Variants in SIPA1L1 observed in about 807,000 individuals in gnomAD.
The protein encoded by SIPA1L1 is signal-induced proliferation-associated 1-like protein 1.
A neutral mutation model predicts 162.7 loss-of-function variants in SIPA1L1; 26 were observed. That is an observed-to-expected ratio of 0.16 (90% CI 0.12 to 0.22). The LOEUF (loss-of-function observed/expected upper bound fraction) is 0.22. Ranked by LOEUF, SIPA1L1 falls within the 10% of genes least tolerant of loss-of-function variation. The pLI is 1.00. For missense variants in SIPA1L1, 1,874 were observed against 2,241.0 expected (o/e 0.84, Z 3.31); for synonymous variants, 829 against 837.4 (o/e 0.99, Z 0.17).
intron 7 of SIPA1L1, among the ~76,000 whole-genome samples, chr14:71,627,513 A>G (rs2040150160): frequency 6.6e-6 from 1 of 151,998 alleles, no homozygotes; most frequent in African/African-American, 2.4e-5. Context: ...TAACCTCCTA[A>G]TATTTTCACA....
At chr14:71,402,196 C>T (rs1265767401) in intron 2 of SIPA1L1, among the ~76,000 whole-genome samples, 1 of 151,914 alleles carries the variant, frequency 6.6e-6, no homozygotes, top group Non-Finnish European at 1.5e-5. Context: ...TAATGAGTCT[C>T]ATTCATTCAT....
chr14:71,710,773 A>G (rs990904548), intron 17 of SIPA1L1, among the ~76,000 whole-genome samples: 1 of 147,786 alleles, frequency 6.8e-6, no homozygotes, highest in African/African-American at 2.5e-5. Flanking sequence ...ACACAACTGC[A>G]CTCCAGCCTG....
In SIPA1L1 at chr14:71,709,232, A is replaced by G. The variant is rs1292028208; in HGVS notation, c.3776A>G (p.His1259Arg). The G allele has an allele frequency of 3.1e-6, 5 of 1,610,780 alleles. No individual in the cohort carries two copies. In the African/African-American group the frequency reaches 6.7e-5, roughly 22 times the overall value. The change falls in exon 17 of 24, where the codon CAC (histidine) becomes CGC (arginine). Residue 1259 changes from histidine to arginine, a missense_variant. This residue lies in a region of SIPA1L1 where 936 missense variants were observed against 1,051.9 expected (regional missense o/e 0.89). Transcript: ENST00000381232. ...CTGCTTCTCTTGCAGTCTGATAGCCACTACTCGAGCCACTCCAGTAGCAAT... is the reference window on the plus strand; with the variant it reads ...CTGCTTCTCTTGCAGTCTGATAGCCGCTACTCGAGCCACTCCAGTAGCAAT... ...SPNKQGHSDS[H>R]YSSHSSSNTL...
At chr14:71,528,515 C>T (rs1284740404) in intron 3 of SIPA1L1, among the ~76,000 whole-genome samples, 2 of 151,850 alleles carry the variant, frequency 1.3e-5, no homozygotes, top group South Asian at 4.2e-4. Context: ...ATTAGCTGGG[C>T]GTGATGGTGC....
At chr14:71,468,014 G>GTA (rs2047153966) in intron 2 of SIPA1L1, among the ~76,000 whole-genome samples, 1 of 143,790 alleles carries the variant, frequency 7.0e-6, no homozygotes, top group South Asian at 2.2e-4. Context: ...GGGTGTGTGT[G>GTA]TGTGTGTGTG....
intron 8 of SIPA1L1, among the ~76,000 whole-genome samples, chr14:71,655,369 C>T (rs935425644): frequency 6.6e-6 from 1 of 152,088 alleles, no homozygotes; most frequent in Non-Finnish European, 1.5e-5. Context: ...TCCAGTCTAC[C>T]ATTGATAGAC....
chr14:71,729,093 T>C (rs1436333498), intron 19 of SIPA1L1, among the ~76,000 whole-genome samples: 1 of 152,228 alleles, frequency 6.6e-6, no homozygotes, highest in Non-Finnish European at 1.5e-5. Flanking sequence ...TGGAGTGCAG[T>C]GGTGCAGTCA....
chr14:71,525,442 C>G (rs920233460), intron 3 of SIPA1L1, among the ~76,000 whole-genome samples: 1 of 152,208 alleles, frequency 6.6e-6, no homozygotes, highest in Admixed American at 6.5e-5. Flanking sequence ...CTCGGCCTCC[C>G]AAAGTGCTGG....
intron 12 of SIPA1L1, among the ~76,000 whole-genome samples, chr14:71,681,457 A>G (rs1314909944): frequency 2.0e-5 from 3 of 152,250 alleles, no homozygotes; most frequent in African/African-American, 7.2e-5. Context: ...ATTCAAAATG[A>G]CAAGCTAAAA....
intron 2 of SIPA1L1, among the ~76,000 whole-genome samples, chr14:71,500,085 A>G (rs1455880281): frequency 6.6e-6 from 1 of 152,324 alleles, no homozygotes; most frequent in East Asian, 1.9e-4. Flanking sequence ...TGACATTTGG[A>G]CGTAGTGTTT....
At chr14:71,632,846 A>AT (rs957244999) in intron 7 of SIPA1L1, among the ~76,000 whole-genome samples, 20 of 152,252 alleles carry the variant, frequency 1.3e-4, no homozygotes, top group Middle Eastern at 3.4e-3. Flanking sequence ...TAGCAGTGTC[A>AT]TTTTTTCCAT....
chr14:71,600,105 T>G (rs939311781), intron 5 of SIPA1L1, among the ~76,000 whole-genome samples: 3 of 152,202 alleles, frequency 2.0e-5, no homozygotes, highest in Non-Finnish European at 2.9e-5. Context: ...GTACAAAAGC[T>G]TTTTACTTTA....
chr14:71,628,054 G>A (rs886916175), intron 7 of SIPA1L1, among the ~76,000 whole-genome samples: 12 of 152,112 alleles, frequency 7.9e-5, no homozygotes, highest in Non-Finnish European at 1.5e-5. Flanking sequence ...GGAAGCTGAG[G>A]CAGGAGGATT....
At chr14:71,408,166 C>G (rs1238432388) in intron 2 of SIPA1L1, among the ~76,000 whole-genome samples, 1 of 152,082 alleles carries the variant, frequency 6.6e-6, no homozygotes, top group Non-Finnish European at 1.5e-5. Context: ...CTTCTGTTAT[C>G]TTTTTATGTA....
intron 13 of SIPA1L1, among the ~76,000 whole-genome samples, chr14:71,695,087 G>A (rs181494377): frequency 7.7e-4 from 117 of 152,342 alleles, no homozygotes; most frequent in Non-Finnish European, 1.5e-3. Flanking sequence ...TACCCAGACA[G>A]GCGGCGGTGG....
At position 71,723,731 on chromosome 14, in the gene SIPA1L1, C is replaced by T. The variant is rs1234392065; in HGVS notation, c.4293C>T (p.Ala1431=). 6.2e-7 allele frequency: 1 copy of T among 1,614,212 alleles called. No homozygotes were observed. The highest frequency in any genetic ancestry group is 1.1e-5 in the South Asian group (1 of 91,090). ...CTAAAGAAGAGCTTCATCCAGCTGC[C>T]CCCTCACAGCTCGCACCATCCTTCT... ...SSPKEELHPA[A]PSQLAPSFSS... is the part of the protein sequence containing the mutation. The change falls in exon 18 of 24, where the codon GCC becomes GCT. Residue 1431 remains alanine, a synonymous_variant. Coordinates refer to ENST00000381232, the MANE Select transcript of SIPA1L1 (RefSeq NM_001386936.1).
chr14:71,632,354 A>G (rs1321403650), intron 7 of SIPA1L1, among the ~76,000 whole-genome samples: 1 of 152,206 alleles, frequency 6.6e-6, no homozygotes, highest in Non-Finnish European at 1.5e-5. Context: ...ATGTCCCCCA[A>G]ATGTCTGTTC....
At chr14:71,429,952 T>C (rs1595420668) in intron 2 of SIPA1L1, among the ~76,000 whole-genome samples, 1 of 152,350 alleles carries the variant, frequency 6.6e-6, no homozygotes, top group Non-Finnish European at 1.5e-5. Flanking sequence ...TGAGCTTTTA[T>C]GTAAAAGTAA....
chr14:71,323,584 A>G (rs1439180879), intron 2 of SIPA1L1, among the ~76,000 whole-genome samples: 2 of 152,230 alleles, frequency 1.3e-5, no homozygotes, highest in African/African-American at 2.4e-5. Flanking sequence ...ATGGAAGACA[A>G]ATAGACTCAT....
Sources: allele counts gnomAD v4.1 joint callset (sites outside exome capture counted in the v4.1 genomes callset), GRCh38; gene constraint gnomAD v4.1.1; regional missense constraint gnomAD v4.1.1; transcripts MANE v1.5; gene names NCBI Gene and HGNC (gene_info 2026-07-23, HGNC 2026-07-21).